The following KCND2 variants were observed in gnomAD, a reference collection of about 807,000 sequenced individuals.
KCND2 encodes the protein potassium voltage-gated channel subfamily D member 2.
Under a neutral mutation model 54.4 loss-of-function variants are expected in KCND2, and 16 were observed. That is an observed-to-expected ratio of 0.29 (90% CI 0.20 to 0.45). The LOEUF (loss-of-function observed/expected upper bound fraction) is 0.45, where lower values mean the gene tolerates loss of function less well. Ranked by LOEUF, KCND2 falls within the 20% of genes least tolerant of loss-of-function variation. KCND2 has a pLI of 1.00. For missense variants in KCND2, 486 were observed against 824.2 expected (o/e 0.59, Z 5.02); for synonymous variants, 317 against 310.7 (o/e 1.02, Z -0.21).
chr7:120,531,600 C>T lies in KCND2; in HGVS notation c.1116-201303C>T, dbSNP rs139939491. Among the ~76,000 whole-genome samples the T allele has an allele frequency of 4.9e-4, 74 of 152,168 alleles. No individual in the cohort carries two copies. The East Asian group carries it at 0.014, about 28-fold the overall frequency. The stretch of plus-strand genomic sequence containing the variant: ...TTACTGTTTCTATTACCTTGTTTCT[C>T]GATATTTTTACCATCAGGCTTTGAA... On this transcript the variant is annotated intron_variant, in intron 1 of 5. Transcript: ENST00000331113.
chr7:120,596,911 T>C (rs567239451), intron 1 of KCND2, among the ~76,000 whole-genome samples: 2 of 152,356 alleles, frequency 1.3e-5, no homozygotes, highest in African/African-American at 4.8e-5. Context: ...TAATTCTATG[T>C]GCGAGGCACT....
intron 1 of KCND2, among the ~76,000 whole-genome samples, chr7:120,582,971 T>TGC (rs1344279319): frequency 2.0e-5 from 3 of 151,756 alleles, no homozygotes; most frequent in South Asian, 2.1e-4. Context: ...TGTGTGTGTG[T>TGC]GTGTGTGTAT....
At chr7:120,473,012 T>C (rs1482042986) in intron 1 of KCND2, among the ~76,000 whole-genome samples, 1 of 152,174 alleles carries the variant, frequency 6.6e-6, no homozygotes, top group Non-Finnish European at 1.5e-5. Flanking sequence ...CAAGGATGGC[T>C]GGAGGCTGAC....
At chr7:120,555,555 A>G (rs922579383) in intron 1 of KCND2, among the ~76,000 whole-genome samples, 2 of 152,256 alleles carry the variant, frequency 1.3e-5, no homozygotes, top group African/African-American at 2.4e-5. Context: ...AATTCAGCAT[A>G]GTGAGTTCTC....
At chr7:120,560,625 C>T (rs1478423804) in intron 1 of KCND2, among the ~76,000 whole-genome samples, 2 of 152,244 alleles carry the variant, frequency 1.3e-5, no homozygotes, top group Non-Finnish European at 1.5e-5. Flanking sequence ...AGAAATCTTG[C>T]AGAATTCAAT....
rs551182837 is a variant in KCND2, at chr7:120,596,132, G to A, written c.1116-136771G>A. Among the ~76,000 whole-genome samples the A allele has an allele frequency of 4.6e-5, 7 of 152,130 alleles. No homozygotes were observed. In the South Asian group the frequency reaches 1.5e-3, roughly 32 times the overall value. On this transcript the variant is annotated intron_variant, in intron 1 of 5. Transcript: ENST00000331113. ...ATAAGGGCAACTTTGCCCTTATTTT[G>A]TTTACTTAGTTTCACTGTATTTCTC...
In KCND2 at chr7:120,668,506, TA is replaced by T. The variant is rs1485687185; in HGVS notation, c.1116-64396del. 1.4e-4 allele frequency among the ~76,000 whole-genome samples: 22 copies of T among 152,222 alleles called. No homozygotes were observed. In the South Asian group the frequency reaches 4.6e-3, roughly 32 times the overall value. On this transcript the variant is annotated intron_variant, in intron 1 of 5. Coordinates refer to ENST00000331113, the MANE Select transcript of KCND2 (RefSeq NM_012281.3). The stretch of plus-strand genomic sequence containing the variant: ...ATTCTAATACATCCGAATTGTCCTT[TA>T]TTTTTTTTGATTTTTCAAAATGTTT...
chr7:120,733,394 G>A (rs1792831564), intron 2 of KCND2, among the ~76,000 whole-genome samples: 1 of 152,132 alleles, frequency 6.6e-6, no homozygotes, highest in Admixed American at 6.6e-5. Context: ...AGTGGTTTGA[G>A]TCACTTTCTT....
At chr7:120,336,285 T>A (rs1244962357) in intron 1 of KCND2, among the ~76,000 whole-genome samples, 1 of 152,204 alleles carries the variant, frequency 6.6e-6, no homozygotes, top group Non-Finnish European at 1.5e-5. Context: ...CCCAATCTCT[T>A]AAATTTGGGA....
intron 1 of KCND2, among the ~76,000 whole-genome samples, chr7:120,699,937 C>G (rs1214501737): frequency 6.6e-6 from 1 of 151,994 alleles, no homozygotes; most frequent in African/African-American, 2.4e-5. Flanking sequence ...CATGGTAGAA[C>G]CCCAATAAAA....
At chr7:120,577,820 C>T (rs1361410625) in intron 1 of KCND2, among the ~76,000 whole-genome samples, 2 of 152,166 alleles carry the variant, frequency 1.3e-5, no homozygotes, top group African/African-American at 2.4e-5. Flanking sequence ...CTCCTGACCT[C>T]GTGATTCACC....
At position 120,668,253 on chromosome 7, in the gene KCND2, T is replaced by C. The variant is rs1483266592; in HGVS notation, c.1116-64650T>C. ...AGTTCCGTAATTATATTCTATCTCCTATCTTTCCAACACTGTGTGATGCAG... is the reference window on the plus strand; with the variant it reads ...AGTTCCGTAATTATATTCTATCTCCCATCTTTCCAACACTGTGTGATGCAG... On this transcript the variant is annotated intron_variant, in intron 1 of 5. Transcript: ENST00000331113. Among the ~76,000 whole-genome samples the C allele has an allele frequency of 2.0e-5, 3 of 152,088 alleles. No homozygotes were observed. In the East Asian group the frequency reaches 5.8e-4, roughly 29 times the overall value.
intron 1 of KCND2, among the ~76,000 whole-genome samples, chr7:120,684,086 A>G (rs1292289451): frequency 6.6e-6 from 1 of 152,138 alleles, no homozygotes; most frequent in African/African-American, 2.4e-5. Flanking sequence ...AAAATGGAGT[A>G]CTTCATCATC....
intron 1 of KCND2, among the ~76,000 whole-genome samples, chr7:120,315,822 T>G (rs1041489989): frequency 2.7e-5 from 4 of 148,672 alleles, no homozygotes; most frequent in African/African-American, 9.9e-5. Flanking sequence ...GTGTGTAATA[T>G]TTGAGATTTT....
At chr7:120,734,836 A>G (rs1270600345) in intron 2 of KCND2, among the ~76,000 whole-genome samples, 1 of 152,124 alleles carries the variant, frequency 6.6e-6, no homozygotes, top group Admixed American at 6.6e-5. Flanking sequence ...ATCATGAGAG[A>G]CTTTGATATA....
intron 1 of KCND2, among the ~76,000 whole-genome samples, chr7:120,654,602 A>T (rs1791777800): frequency 6.6e-6 from 1 of 152,200 alleles, no homozygotes. Context: ...CTGGGTTATC[A>T]AACTATTAGA....
chr7:120,734,808 G>A (rs552490215), intron 2 of KCND2, among the ~76,000 whole-genome samples: 1 of 152,210 alleles, frequency 6.6e-6, no homozygotes, highest in East Asian at 1.9e-4. Context: ...CCTAGGTGAT[G>A]TGTTATAACT....
At chr7:120,570,913 G>A (rs1181013795) in intron 1 of KCND2, among the ~76,000 whole-genome samples, 2 of 152,106 alleles carry the variant, frequency 1.3e-5, no homozygotes, top group Non-Finnish European at 2.9e-5. Flanking sequence ...AATATGTCTT[G>A]TGTTAATAAT....
At chr7:120,482,765 T>G (rs1802625006) in intron 1 of KCND2, among the ~76,000 whole-genome samples, 1 of 152,172 alleles carries the variant, frequency 6.6e-6, no homozygotes, top group South Asian at 2.1e-4. Context: ...GTGTTTGTAC[T>G]TTGTAAATTA....
Sources: allele counts gnomAD v4.1 joint callset (sites outside exome capture counted in the v4.1 genomes callset), GRCh38; gene constraint gnomAD v4.1.1; transcripts MANE v1.5; gene names NCBI Gene and HGNC (gene_info 2026-07-23, HGNC 2026-07-21).